Variants in NKAIN2 observed in about 807,000 individuals in gnomAD.
NKAIN2 encodes sodium/potassium-transporting ATPase subunit beta-1-interacting protein 2.
NKAIN2 carries 14 observed loss-of-function variants against 32.6 expected under a neutral mutation model. That is an observed-to-expected ratio of 0.43 (90% confidence interval 0.28 to 0.67). The LOEUF (loss-of-function observed/expected upper bound fraction) is 0.67. Among genes scored for constraint, NKAIN2 ranks in the 30% least tolerant of loss-of-function variants. NKAIN2 has a pLI of 0.17. For synonymous variants in NKAIN2, 80 were observed against 87.2 expected (o/e 0.92, Z 0.46); for missense variants, 198 against 258.3 (o/e 0.77, Z 1.60).
At chr6:123,850,718 G>A (rs1775306534) in intron 1 of NKAIN2, among the ~76,000 whole-genome samples, 2 of 152,064 alleles carry the variant, frequency 1.3e-5, no homozygotes, top group African/African-American at 4.8e-5. Flanking sequence ...TACTTCACAC[G>A]CTTATTTTTT....
intron 1 of NKAIN2, among the ~76,000 whole-genome samples, chr6:124,195,365 A>G (rs1790266045): frequency 6.6e-6 from 1 of 152,146 alleles, no homozygotes; most frequent in Non-Finnish European, 1.5e-5. Context: ...AAGTGGATTC[A>G]AGTTTGGATC....
chr6:124,344,645 G>A (rs893382359), intron 2 of NKAIN2, among the ~76,000 whole-genome samples: 21 of 152,194 alleles, frequency 1.4e-4, no homozygotes, highest in African/African-American at 4.8e-4. Context: ...TCTGTTATTG[G>A]TGTATAAGAA....
intron 1 of NKAIN2, among the ~76,000 whole-genome samples, chr6:124,006,932 A>G (rs1181766128): frequency 6.6e-6 from 1 of 152,218 alleles, no homozygotes; most frequent in Non-Finnish European, 1.5e-5. Context: ...GACTGACCTA[A>G]GGAAATTTAG....
chr6:123,903,278 C>A (rs1355348258), intron 1 of NKAIN2, among the ~76,000 whole-genome samples: 2 of 152,064 alleles, frequency 1.3e-5, no homozygotes, highest in Non-Finnish European at 2.9e-5. Context: ...AGCCGTGAAT[C>A]TAAATTTGTT....
chr6:123,886,344 C>G (rs1203474249), intron 1 of NKAIN2, among the ~76,000 whole-genome samples: 3 of 151,962 alleles, frequency 2.0e-5, no homozygotes, highest in Admixed American at 6.6e-5. Flanking sequence ...CACATGATGG[C>G]ATATTTTGCA....
At chr6:124,370,561 A>G (rs1799714551) in intron 3 of NKAIN2, among the ~76,000 whole-genome samples, 1 of 152,108 alleles carries the variant, frequency 6.6e-6, no homozygotes, top group Non-Finnish European at 1.5e-5. Flanking sequence ...ATAAAACTGA[A>G]GTAATTAGGA....
intron 1 of NKAIN2, among the ~76,000 whole-genome samples, chr6:124,130,558 T>G (rs1294085816): frequency 6.6e-6 from 1 of 152,172 alleles, no homozygotes; most frequent in African/African-American, 2.4e-5. Flanking sequence ...AGGAATTATT[T>G]TAATGCATTA....
chr6:124,756,129 T>C (rs1196113550), intron 4 of NKAIN2, among the ~76,000 whole-genome samples: 1 of 152,122 alleles, frequency 6.6e-6, no homozygotes, highest in Non-Finnish European at 1.5e-5. Context: ...TACAAAGATA[T>C]ATTTTTACAT....
At chr6:124,084,150 G>A (rs1198880380) in intron 1 of NKAIN2, among the ~76,000 whole-genome samples, 1 of 151,918 alleles carries the variant, frequency 6.6e-6, no homozygotes, top group African/African-American at 2.4e-5. Flanking sequence ...ATAAGGAACA[G>A]ATTGGAGTGG....
At chr6:123,927,311 A>AT (rs1166392041) in intron 1 of NKAIN2, among the ~76,000 whole-genome samples, 1 of 152,102 alleles carries the variant, frequency 6.6e-6, no homozygotes, top group Non-Finnish European at 1.5e-5. Flanking sequence ...ATATTTCTTA[A>AT]TTTTTCATAT....
rs932830585 is a variant in NKAIN2, at chr6:124,126,439, G to A, written c.55-156566G>A. Among the ~76,000 whole-genome samples the A allele has an allele frequency of 4.9e-4, 75 of 152,080 alleles. 1 individual carries two copies. Among genetic ancestry groups the A allele is most frequent in the African/African-American group, 1.8e-3 (74 of 41,404 alleles). ...TTCTTGCCTCACTGAGAAAATTGAA[G>A]GTATTCTAAAACTTTCACAAACTTT... On this transcript the variant is annotated intron_variant, in intron 1 of 6. Transcript: ENST00000368417.
chr6:124,485,750 T>C (rs1336682071), intron 3 of NKAIN2, among the ~76,000 whole-genome samples: 1 of 152,096 alleles, frequency 6.6e-6, no homozygotes, highest in Non-Finnish European at 1.5e-5. Context: ...GGATCCTTAC[T>C]GTCAAGTTAC....
chr6:124,422,967 A>C (rs1774823752), intron 3 of NKAIN2, among the ~76,000 whole-genome samples: 1 of 152,260 alleles, frequency 6.6e-6, no homozygotes, highest in Non-Finnish European at 1.5e-5. Flanking sequence ...TATTTTCAAA[A>C]TAAGAACTAA....
At chr6:124,746,624 T>G (rs1053629967) in intron 4 of NKAIN2, among the ~76,000 whole-genome samples, 2 of 151,914 alleles carry the variant, frequency 1.3e-5, no homozygotes, top group African/African-American at 4.8e-5. Context: ...TAAAACATCA[T>G]CAAGAATGTT....
intron 1 of NKAIN2, among the ~76,000 whole-genome samples, chr6:124,132,302 C>G (rs1786520473): frequency 1.3e-5 from 2 of 152,146 alleles, no homozygotes; most frequent in South Asian, 4.1e-4. Context: ...CTGACCCTGC[C>G]CAAATTAATG....
intron 1 of NKAIN2, among the ~76,000 whole-genome samples, chr6:124,185,926 A>G (rs1457957446): frequency 6.6e-6 from 1 of 152,096 alleles, no homozygotes; most frequent in African/African-American, 2.4e-5. Flanking sequence ...GTTAGAAGAC[A>G]AAATAAAGCT....
At chr6:124,191,802 T>A (rs1249336250) in intron 1 of NKAIN2, among the ~76,000 whole-genome samples, 1 of 152,196 alleles carries the variant, frequency 6.6e-6, no homozygotes, top group East Asian at 1.9e-4. Context: ...TCATGCATGG[T>A]TTTGAATTTT....
chr6:124,763,565 C>T (rs961198255), intron 4 of NKAIN2, among the ~76,000 whole-genome samples: 1 of 152,148 alleles, frequency 6.6e-6, no homozygotes, highest in African/African-American at 2.4e-5. Flanking sequence ...CCCACCAGGC[C>T]CCACCTTCAC....
At chr6:124,124,236 A>G (rs1786038062) in intron 1 of NKAIN2, among the ~76,000 whole-genome samples, 1 of 152,178 alleles carries the variant, frequency 6.6e-6, no homozygotes, top group Admixed American at 6.5e-5. Flanking sequence ...AGAAGATTTT[A>G]TAGCACCTGC....
Sources: gnomAD v4.1 joint callset for allele counts (sites outside exome capture counted in the v4.1 genomes callset) on GRCh38, gnomAD v4.1.1 for gene constraint, MANE v1.5 for transcripts, NCBI Gene and HGNC (gene_info 2026-07-23, HGNC 2026-07-21) for gene names.